The following CHST11 variants were observed in gnomAD, a reference collection of about 807,000 sequenced individuals.
CHST11 encodes the protein carbohydrate sulfotransferase 11.
CHST11 carries 9 observed loss-of-function variants against 30.4 expected under a neutral mutation model. The observed-to-expected ratio is 0.30, with a 90% confidence interval of 0.18 to 0.52. The LOEUF (loss-of-function observed/expected upper bound fraction) is 0.52, where lower values mean the gene tolerates loss of function less well. Among genes scored for constraint, CHST11 ranks in the 20% least tolerant of loss-of-function variants. The pLI, the probability that CHST11 is intolerant of heterozygous loss-of-function variation, is 0.97. For synonymous variants in CHST11, 152 were observed against 187.8 expected, an observed-to-expected ratio of 0.81 and a Z score of 1.56; for missense variants, 348 against 460.6, an observed-to-expected ratio of 0.76 and a Z score of 2.24.
At chr12:104,724,770 C>G (rs2040204188) in intron 2 of CHST11, among the ~76,000 whole-genome samples, 1 of 152,120 alleles carries the variant, frequency 6.6e-6, no homozygotes, top group Non-Finnish European at 1.5e-5. Flanking sequence ...TCAAATAATA[C>G]ACACGTTAGA....
chr12:104,561,662 C>G (rs2038514362), intron 1 of CHST11, among the ~76,000 whole-genome samples: 1 of 152,118 alleles, frequency 6.6e-6, no homozygotes, highest in East Asian at 1.9e-4. Flanking sequence ...AAAACAACGC[C>G]CTGTATCTTC....
intron 2 of CHST11, among the ~76,000 whole-genome samples, chr12:104,663,778 C>T (rs1056497729): frequency 3.9e-5 from 6 of 152,176 alleles, no homozygotes; most frequent in East Asian, 1.9e-4. Flanking sequence ...AATGCCCTTC[C>T]CCCTTTCTTT....
At chr12:104,513,123 T>TGGTGGGGGG (rs1555229062) in intron 1 of CHST11, among the ~76,000 whole-genome samples, 1 of 3,390 alleles carries the variant, frequency 2.9e-4, no homozygotes, top group African/African-American at 1.5e-3. Flanking sequence ...ATGTCATGAC[T>TGGTGGGGGG]GGGGGGGGGG....
At chr12:104,519,519 G>A (rs1008607847) in intron 1 of CHST11, among the ~76,000 whole-genome samples, 6 of 152,140 alleles carry the variant, frequency 3.9e-5, no homozygotes, top group African/African-American at 1.2e-4. Context: ...AGAGGGTTGG[G>A]TAGAACCCCC....
At chr12:104,591,913 A>G (rs2038862192) in intron 1 of CHST11, among the ~76,000 whole-genome samples, 1 of 152,116 alleles carries the variant, frequency 6.6e-6, no homozygotes, top group Admixed American at 6.5e-5. Context: ...AATCACATGC[A>G]AAAAGAGAAA....
intron 2 of CHST11, among the ~76,000 whole-genome samples, chr12:104,644,452 C>T (rs2039407208): frequency 6.6e-6 from 1 of 152,234 alleles, no homozygotes; most frequent in Non-Finnish European, 1.5e-5. Context: ...TGTGGCCAAT[C>T]CTCTTTCTTC....
At chr12:104,635,360 T>C (rs2039312847) in intron 2 of CHST11, among the ~76,000 whole-genome samples, 1 of 152,236 alleles carries the variant, frequency 6.6e-6, no homozygotes, top group Admixed American at 6.5e-5. Flanking sequence ...ATCGCAAATG[T>C]TGCCTGGCCT....
chr12:104,757,952 T>TCCCTA lies in CHST11; in HGVS notation c.*150_*151insCCTAC. 1 of 895,960 alleles carries TCCCTA rather than the reference T, an allele frequency of 1.1e-6. No individual in the cohort carries two copies. The highest frequency in any genetic ancestry group is 1.6e-6 in the Non-Finnish European group (1 of 608,642). 55.5% of individuals were successfully genotyped at this position (895,960 alleles called of 1,614,324 possible). A position where few individuals can be genotyped will look rare whatever the true frequency, so the allele number is the denominator to read the frequency against. On this transcript the variant is annotated 3_prime_UTR_variant, in exon 3 of 3. Transcript: ENST00000303694. This position sits in a 1 kb window ranked among gnomAD's most constrained non-coding sequence, Gnocchi z 6.5. Reference sequence around the variant, plus strand: ...CATAGTGAGAATTATTTAAAATCCTTCGTAGGGAAGGACAGCTGTCTTTGC... The same window carrying TCCCTA: ...CATAGTGAGAATTATTTAAAATCCTTCCCTACGTAGGGAAGGACAGCTGTCTTTGC...
At chr12:104,646,704 A>G (rs2039436100) in intron 2 of CHST11, among the ~76,000 whole-genome samples, 1 of 152,222 alleles carries the variant, frequency 6.6e-6, no homozygotes, top group Admixed American at 6.5e-5. Flanking sequence ...TCTCAAAAAG[A>G]CAAAATAACT....
intron 1 of CHST11, among the ~76,000 whole-genome samples, chr12:104,493,111 C>T (rs1049761757): frequency 6.6e-6 from 1 of 152,042 alleles, no homozygotes; most frequent in Non-Finnish European, 1.5e-5. Context: ...AGCTGTGTTT[C>T]CTACTGTCAG....
intron 1 of CHST11, among the ~76,000 whole-genome samples, chr12:104,520,063 T>C (rs2038061149): frequency 6.6e-6 from 1 of 152,150 alleles, no homozygotes; most frequent in Non-Finnish European, 1.5e-5. Context: ...CCTTATGTCT[T>C]AGCTTCATTC....
At chr12:104,468,123 G>A (rs577527872) in intron 1 of CHST11, among the ~76,000 whole-genome samples, 1 of 151,906 alleles carries the variant, frequency 6.6e-6, no homozygotes, top group African/African-American at 2.4e-5. Flanking sequence ...CAAATGCTAC[G>A]GGAGGCGGGG....
chr12:104,677,587 C>G (rs940985159), intron 2 of CHST11, among the ~76,000 whole-genome samples: 1 of 152,208 alleles, frequency 6.6e-6, no homozygotes, highest in Non-Finnish European at 1.5e-5. Context: ...TGATGTTTCT[C>G]CTTCAGGGTG....
At chr12:104,695,239 C>T (rs2039933238) in intron 2 of CHST11, among the ~76,000 whole-genome samples, 1 of 152,158 alleles carries the variant, frequency 6.6e-6, no homozygotes, top group Non-Finnish European at 1.5e-5. Flanking sequence ...CAACATTCCT[C>T]GAATGCTCCT....
At position 104,600,719 on chromosome 12, in the gene CHST11, G is replaced by T. The variant is rs935366512; in HGVS notation, c.119-1187G>T. ...TCCATTCATTGCCTCTGTGGAGCAG[G>T]TGAATTCTTTAGGCTCATGAAAGGA... On this transcript the variant is annotated intron_variant, in intron 1 of 2. Coordinates refer to ENST00000303694, the MANE Select transcript of CHST11 (RefSeq NM_018413.6). This position sits in a 1 kb window ranked among gnomAD's most constrained non-coding sequence, Gnocchi z 4.1. Among the ~76,000 whole-genome samples, 3 of 152,150 alleles carry T rather than the reference G, an allele frequency of 2.0e-5. No individual in the cohort carries two copies. Among genetic ancestry groups the T allele is most frequent in the African/African-American group, 7.2e-5 (3 of 41,424 alleles).
intron 1 of CHST11, among the ~76,000 whole-genome samples, chr12:104,547,448 C>A (rs764686660): frequency 2.0e-5 from 3 of 152,182 alleles, no homozygotes; most frequent in Non-Finnish European, 4.4e-5. Flanking sequence ...TTAACAAATG[C>A]GAGCATCCAG....
chr12:104,632,978 CTT>C (rs1005227799), intron 2 of CHST11, among the ~76,000 whole-genome samples: 13 of 152,350 alleles, frequency 8.5e-5, no homozygotes, highest in African/African-American at 3.1e-4. Context: ...CTGGGAAACT[CTT>C]TTCTTTATCA....
intron 1 of CHST11, among the ~76,000 whole-genome samples, chr12:104,567,423 G>T (rs1485592347): frequency 6.6e-6 from 1 of 152,198 alleles, no homozygotes; most frequent in African/African-American, 2.4e-5. Context: ...GGTGTTCCCT[G>T]GGTGGATGTT....
At chr12:104,711,536 A>G (rs1261705293) in intron 2 of CHST11, among the ~76,000 whole-genome samples, 1 of 152,096 alleles carries the variant, frequency 6.6e-6, no homozygotes, top group East Asian at 1.9e-4. Flanking sequence ...GGACAATGTC[A>G]GCCAATTTAT....
Sources: gnomAD v4.1 joint callset for allele counts (sites outside exome capture counted in the v4.1 genomes callset) on GRCh38, gnomAD v4.1.1 for gene constraint, Gnocchi (gnomAD v3.1) non-coding constraint, MANE v1.5 for transcripts, NCBI Gene and HGNC (gene_info 2026-07-23, HGNC 2026-07-21) for gene names.